Variants in ANK2 observed in about 807,000 individuals in gnomAD.
The protein encoded by ANK2 is ankyrin 2, also known as ankyrin-2.
ANK2 carries 83 observed loss-of-function variants against 360.5 expected under a neutral mutation model. That is an observed-to-expected ratio of 0.23 (90% confidence interval 0.19 to 0.28). The LOEUF (loss-of-function observed/expected upper bound fraction) is 0.28. Ranked by LOEUF, ANK2 falls within the 10% of genes least tolerant of loss-of-function variation. The pLI is 1.00. For synonymous variants in ANK2, 1,740 were observed against 1,759.5 expected (o/e 0.99, Z 0.28); for missense variants, 4,201 against 4,795.7 (o/e 0.88, Z 3.66).
At chr4:112,994,863 T>G (rs569991468) in intron 2 of ANK2, among the ~76,000 whole-genome samples, 1 of 152,214 alleles carries the variant, frequency 6.6e-6, no homozygotes, top group Non-Finnish European at 1.5e-5. Context: ...GTATTTGAAT[T>G]TCTGTTTCTG....
intron 1 of ANK2, among the ~76,000 whole-genome samples, chr4:112,865,271 T>G (rs1454754694): frequency 6.6e-6 from 1 of 152,056 alleles, no homozygotes; most frequent in Non-Finnish European, 1.5e-5. Context: ...AAAACTGCAG[T>G]AAAGAAATTC....
At chr4:112,730,461 C>T in the ANK2 span, among the ~76,000 whole-genome samples, 2 of 150,442 alleles carry the variant, frequency 1.3e-5, no homozygotes. Flanking sequence ...CATGGTGAAA[C>T]CCTGTCTCTA....
intron 14 of ANK2, among the ~76,000 whole-genome samples, chr4:113,265,591 T>G (rs1289059445): frequency 1.3e-5 from 2 of 152,234 alleles, no homozygotes; most frequent in East Asian, 3.8e-4. Context: ...TTGTCCTGTT[T>G]CTAATAGCTT....
chr4:112,887,447 T>C (rs1038019294), intron 1 of ANK2, among the ~76,000 whole-genome samples: 4 of 152,238 alleles, frequency 2.6e-5, no homozygotes, highest in Non-Finnish European at 4.4e-5. Flanking sequence ...TTTTGACTTA[T>C]GGTACTTTCA....
chr4:112,925,301 A>G (rs375650786), intron 2 of ANK2, among the ~76,000 whole-genome samples: 2 of 152,236 alleles, frequency 1.3e-5, no homozygotes, highest in African/African-American at 4.8e-5. Flanking sequence ...AAAAACACCT[A>G]GATTAACCTG....
intron 2 of ANK2, among the ~76,000 whole-genome samples, chr4:113,041,567 T>C (rs1001603273): frequency 6.6e-6 from 1 of 152,124 alleles, no homozygotes; most frequent in East Asian, 1.9e-4. Flanking sequence ...TTTAGCCATA[T>C]CACCAGTATA....
At chr4:112,833,508 A>ATTTTT (rs34479387) in intron 1 of ANK2, among the ~76,000 whole-genome samples, 1 of 146,872 alleles carries the variant, frequency 6.8e-6, no homozygotes, top group African/African-American at 2.5e-5. Flanking sequence ...TGATTTATGT[A>ATTTTT]TTTTTTTTTT....
At position 112,829,159 on chromosome 4, in the gene ANK2, A is replaced by G. The variant is rs78415482; in HGVS notation, c.-40+10895A>G. ...CAGAGCAGGACTCTGTCTCAAAAAT[A>G]TAAATGAATGAGTGAATGAATGAAT... On this transcript the variant is annotated intron_variant, in intron 1 of 30. Transcript: ENST00000503271. Among the ~76,000 whole-genome samples the G allele has an allele frequency of 4.0e-3, 609 of 152,310 alleles. 3 individuals are homozygous for G. Among genetic ancestry groups the G allele is most frequent in the African/African-American group, 0.013 (553 of 41,560 alleles).
chr4:113,286,857 A>G (rs1303834748), intron 18 of ANK2, among the ~76,000 whole-genome samples: 1 of 152,216 alleles, frequency 6.6e-6, no homozygotes. Context: ...CATATGAAAC[A>G]TACTCAAGAA....
At chr4:113,374,268 A>T (rs556740400) in intron 45 of ANK2, among the ~76,000 whole-genome samples, 1 of 152,250 alleles carries the variant, frequency 6.6e-6, no homozygotes, top group East Asian at 1.9e-4. Context: ...TTTTTCAGGG[A>T]CATATTTACT....
At chr4:112,897,353 T>A (rs1345274375) in intron 1 of ANK2, among the ~76,000 whole-genome samples, 1 of 152,206 alleles carries the variant, frequency 6.6e-6, no homozygotes, top group Non-Finnish European at 1.5e-5. Flanking sequence ...TTTTTTCATT[T>A]TCCCCTTCTC....
chr4:112,937,465 T>C (rs2154243321), intron 2 of ANK2, among the ~76,000 whole-genome samples: 1 of 152,082 alleles, frequency 6.6e-6, no homozygotes, highest in South Asian at 2.1e-4. Flanking sequence ...GTAGCTGGGA[T>C]TACAGGCACC....
At chr4:113,297,726 G>A (rs2072587214) in intron 22 of ANK2, among the ~76,000 whole-genome samples, 3 of 151,902 alleles carry the variant, frequency 2.0e-5, no homozygotes, top group African/African-American at 7.3e-5. Flanking sequence ...ATTATATTAT[G>A]TATATATATG....
At chr4:112,809,047 C>T in the ANK2 span, among the ~76,000 whole-genome samples, 132 of 151,560 alleles carry the variant, frequency 8.7e-4, no homozygotes, top group African/African-American at 2.9e-3. Flanking sequence ...TTAGTAGAGA[C>T]GGCATTTCAC....
At chr4:113,375,639 G>C (rs1463854184) in intron 45 of ANK2, among the ~76,000 whole-genome samples, 2 of 151,762 alleles carry the variant, frequency 1.3e-5, no homozygotes, top group African/African-American at 4.8e-5. Context: ...GCAGGAGAAT[G>C]GTGTGAACCT....
At chr4:113,361,578 G>T (rs2096230582) in intron 39 of ANK2, among the ~76,000 whole-genome samples, 1 of 148,064 alleles carries the variant, frequency 6.8e-6, no homozygotes, top group South Asian at 2.1e-4. Flanking sequence ...ACTTCAAAGA[G>T]ACAAACATTG....
chr4:112,858,345 G>A (rs187122664), intron 1 of ANK2, among the ~76,000 whole-genome samples: 1 of 152,102 alleles, frequency 6.6e-6, no homozygotes, highest in Non-Finnish European at 1.5e-5. Context: ...TATGTGCTAG[G>A]CATTCTTCAA....
rs2099356314 is a variant in ANK2, at chr4:113,234,582, C to T, written c.483+2323C>T. ...TTTTACAGGGCTGTGTGGTTGATTG[C>T]CATTTGATATCCTGTGTTATACTGC... On this transcript the variant is annotated intron_variant, in intron 5 of 45. Coordinates refer to ENST00000357077, the MANE Select transcript of ANK2 (RefSeq NM_001148.6). Among the ~76,000 whole-genome samples, 2 of 151,990 alleles carry T rather than the reference C, an allele frequency of 1.3e-5. 1 individual carries two copies. The highest frequency in any genetic ancestry group is 4.1e-4 in the South Asian group (2 of 4,822).
chr4:113,032,150 C>G (rs866888523), intron 2 of ANK2, among the ~76,000 whole-genome samples: 3 of 152,172 alleles, frequency 2.0e-5, no homozygotes, highest in South Asian at 4.1e-4. Flanking sequence ...CTGTACCACT[C>G]TAAGGCTGCA....
Sources: allele counts gnomAD v4.1 joint callset (sites outside exome capture counted in the v4.1 genomes callset), GRCh38; gene constraint gnomAD v4.1.1; transcripts MANE v1.5; gene names NCBI Gene and HGNC (gene_info 2026-07-23, HGNC 2026-07-21).